SIL1: variants seen among roughly 807,000 people sequenced by gnomAD.
SIL1 encodes the protein nucleotide exchange factor SIL1.
SIL1 carries 40 observed loss-of-function variants against 49.1 expected under a neutral mutation model. The observed-to-expected ratio is 0.81, with a 90% CI of 0.63 to 1.06. SIL1 has a LOEUF of 1.06. SIL1 is among the 50% of genes least tolerant of loss of function. The probability of loss-of-function intolerance (pLI) is 0.00; values close to 1 mark genes in which losing one functional copy is unlikely to be tolerated. For synonymous variants in SIL1, 253 were observed against 250.8 expected (o/e 1.01, Z -0.08); for missense variants, 500 against 572.6 (o/e 0.87, Z 1.29).
chr5:138,969,333 G>A (rs1353770424), intron 7 of SIL1, among the ~76,000 whole-genome samples: 1 of 152,166 alleles, frequency 6.6e-6, no homozygotes, highest in African/African-American at 2.4e-5. Context: ...CCTCCTTTCA[G>A]CCTGACCTCA....
chr5:138,999,695 A>G (rs976663776), intron 7 of SIL1, among the ~76,000 whole-genome samples: 5 of 152,150 alleles, frequency 3.3e-5, no homozygotes, highest in Non-Finnish European at 7.4e-5. Flanking sequence ...TTGTATGTTG[A>G]TTTTATATAC....
intron 3 of SIL1, among the ~76,000 whole-genome samples, chr5:139,079,544 A>G (rs1249738963): frequency 1.3e-5 from 2 of 152,252 alleles, no homozygotes; most frequent in African/African-American, 4.8e-5. Flanking sequence ...AAAAACAAGT[A>G]CAGAATGTGC....
chr5:139,151,823 T>A (rs1045386613), intron 1 of SIL1, among the ~76,000 whole-genome samples: 1 of 152,204 alleles, frequency 6.6e-6, no homozygotes, highest in Non-Finnish European at 1.5e-5. Flanking sequence ...AAAAAAACTT[T>A]CAAAAGAGAA....
intron 1 of SIL1, among the ~76,000 whole-genome samples, chr5:139,170,894 T>C (rs1446186027): frequency 7.9e-6 from 1 of 126,460 alleles, no homozygotes; most frequent in Non-Finnish European, 1.7e-5. Context: ...CAGCCGCCCC[T>C]ACTGGGAAGT....
chr5:139,002,794 G>A (rs987325563), intron 7 of SIL1, among the ~76,000 whole-genome samples: 3 of 152,188 alleles, frequency 2.0e-5, no homozygotes, highest in East Asian at 1.9e-4. Flanking sequence ...CTTACTCCCC[G>A]GTTCCCTCCT....
chr5:139,001,482 T>G (rs1767982402), intron 7 of SIL1, among the ~76,000 whole-genome samples: 1 of 152,216 alleles, frequency 6.6e-6, no homozygotes, highest in African/African-American at 2.4e-5. Context: ...GGTTTTCAAA[T>G]AGTGGGATGC....
Position 138,951,854 on chromosome 5 carries a change from T to C in SIL1, c.798A>G (p.Glu266=), listed in dbSNP as rs1561802002. Residue 266 remains glutamate (E), a synonymous_variant, in exon 8 of 10, where the codon GAA becomes GAG. Transcript: ENST00000394817. ...SNPKVQVEAI[E]GGALQKLLVI... The stretch of plus-strand genomic sequence containing the variant: ...CCAGCAGCTTCTGCAGGGCTCCCCC[T>C]TCGATGGCCTCCACCTGGACCTTGG... The C allele has an allele frequency of 6.2e-7, 1 of 1,613,954 alleles. No individual in the cohort carries two copies. The highest frequency in any genetic ancestry group is 8.5e-7 in the Non-Finnish European group (1 of 1,180,012).
At chr5:139,078,378 A>T (rs527477343) in intron 3 of SIL1, among the ~76,000 whole-genome samples, 15 of 148,216 alleles carry the variant, frequency 1.0e-4, no homozygotes, top group South Asian at 4.2e-4. Flanking sequence ...AAAGGAATTT[A>T]AAAAAAAAAG....
chr5:139,149,365 C>T (rs1032085048), intron 1 of SIL1, among the ~76,000 whole-genome samples: 4 of 152,212 alleles, frequency 2.6e-5, no homozygotes, highest in Non-Finnish European at 5.9e-5. Flanking sequence ...GACCATACAA[C>T]AAGTTGCCAC....
At chr5:139,000,472 T>C (rs1016758519) in intron 7 of SIL1, among the ~76,000 whole-genome samples, 45 of 152,266 alleles carry the variant, frequency 3.0e-4, no homozygotes, top group African/African-American at 1.0e-3. Flanking sequence ...ATTCAGTATA[T>C]AGTAGAGGAA....
intron 1 of SIL1, among the ~76,000 whole-genome samples, chr5:139,152,285 G>A (rs1194521279): frequency 6.6e-6 from 1 of 152,178 alleles, no homozygotes; most frequent in Non-Finnish European, 1.5e-5. Flanking sequence ...TAAAAGATCA[G>A]CAAATTACAA....
At chr5:138,972,154 G>T (rs1192666708) in intron 7 of SIL1, among the ~76,000 whole-genome samples, 1 of 152,156 alleles carries the variant, frequency 6.6e-6, no homozygotes, top group African/African-American at 2.4e-5. Context: ...GAATCATGAG[G>T]CTTCAGTTCC....
At chr5:139,003,757 G>A (rs1768045971) in intron 7 of SIL1, among the ~76,000 whole-genome samples, 1 of 152,226 alleles carries the variant, frequency 6.6e-6, no homozygotes, top group Non-Finnish European at 1.5e-5. Flanking sequence ...TTCCAGAACA[G>A]TAAGAGAAGC....
At chr5:139,151,669 T>C (rs1421812276) in intron 1 of SIL1, among the ~76,000 whole-genome samples, 4 of 152,242 alleles carry the variant, frequency 2.6e-5, no homozygotes, top group South Asian at 4.1e-4. Context: ...AACAGGACTG[T>C]GATGAGCTCC....
chr5:139,109,038 G>A (rs553021837), intron 3 of SIL1, among the ~76,000 whole-genome samples: 35 of 152,256 alleles, frequency 2.3e-4, no homozygotes, highest in Non-Finnish European at 4.0e-4. Context: ...CTTTTCTTCT[G>A]CTCTTCACCC....
chr5:139,037,338 CCTGGATTCA>C (rs1382694066), intron 5 of SIL1, among the ~76,000 whole-genome samples: 1 of 152,130 alleles, frequency 6.6e-6, no homozygotes, highest in African/African-American at 2.4e-5. Context: ...CTGGAGTTCA[CCTGGATTCA>C]CTGGATTCAC....
rs137960423 is a variant in SIL1, at chr5:139,189,472, A to T, written c.-11+8797T>A. On this transcript the variant is annotated intron_variant, in intron 1 of 9. Transcript: ENST00000394817. ...CGTCTAGTTGCAGGAAAACAAGCTC[A>T]GGGCTCCCACTAAGTCTACATTATG... Among the ~76,000 whole-genome samples, 1,259 of 152,346 alleles carry T rather than the reference A, an allele frequency of 8.3e-3. 13 individuals carry two copies. Among genetic ancestry groups the T allele is most frequent in the African/African-American group, 0.028 (1,180 of 41,578 alleles).
At chr5:139,117,207 G>A (rs985532236) in intron 3 of SIL1, among the ~76,000 whole-genome samples, 3 of 152,168 alleles carry the variant, frequency 2.0e-5, no homozygotes, top group Non-Finnish European at 2.9e-5. Context: ...TGGATAGAGG[G>A]CAGGGGTCAC....
At chr5:139,141,634 G>A (rs1388727377) in intron 1 of SIL1, among the ~76,000 whole-genome samples, 1 of 152,178 alleles carries the variant, frequency 6.6e-6, no homozygotes, top group Non-Finnish European at 1.5e-5. Flanking sequence ...TCCAGGTTGG[G>A]CAATAGCGAG....
Sources: allele counts gnomAD v4.1 joint callset (sites outside exome capture counted in the v4.1 genomes callset), GRCh38; gene constraint gnomAD v4.1.1; transcripts MANE v1.5; gene names NCBI Gene and HGNC (gene_info 2026-07-23, HGNC 2026-07-21).